Variants in AQP9 observed in about 807,000 individuals in gnomAD.
AQP9 encodes the protein aquaporin 9.
AQP9 carries 19 observed loss-of-function variants against 23.8 expected under a neutral mutation model. The ratio of observed to expected loss-of-function variants is 0.80; its 90% CI spans 0.56 to 1.17. The LOEUF (loss-of-function observed/expected upper bound fraction) is 1.17. Ranked by LOEUF, AQP9 falls within the 50% of genes most tolerant of loss-of-function variation. AQP9 has a pLI of 0.00. For synonymous variants in AQP9, 153 were observed against 131.5 expected (o/e 1.16, Z -1.12); for missense variants, 413 against 362.0 (o/e 1.14, Z -1.14).
intron 4 of AQP9, among the ~76,000 whole-genome samples, chr15:58,178,343 A>G (rs545545081): frequency 2.8e-4 from 42 of 152,338 alleles, no homozygotes; most frequent in Admixed American, 2.3e-3. Context: ...ATGGCTATAC[A>G]GTAGACTAAA....
intron 1 of AQP9, among the ~76,000 whole-genome samples, chr15:58,162,895 T>C (rs1026142724): frequency 3.9e-5 from 6 of 152,318 alleles, no homozygotes; most frequent in African/African-American, 1.2e-4. Context: ...CCTGCCCAAA[T>C]TGCTGATTCA....
chr15:58,140,409 G>A (rs1292409473), intron 1 of AQP9, among the ~76,000 whole-genome samples: 1 of 152,086 alleles, frequency 6.6e-6, no homozygotes, highest in East Asian at 1.9e-4. Context: ...AAACTTGTAT[G>A]TTCTGGATAA....
chr15:58,155,001 T>G (rs1898221221), intron 1 of AQP9: 1 of 152,232 alleles, frequency 6.6e-6, no homozygotes, highest in Admixed American at 6.5e-5. Context: ...TAAAAATTAT[T>G]AGTCATTCAT....
chr15:58,172,109 T>C (rs1487200428), intron 2 of AQP9, among the ~76,000 whole-genome samples: 1 of 152,222 alleles, frequency 6.6e-6, no homozygotes, highest in East Asian at 1.9e-4. Flanking sequence ...GGAAGTGGTA[T>C]AGCAGAAAAC....
intron 1 of AQP9, among the ~76,000 whole-genome samples, chr15:58,147,350 C>T (rs79012007): frequency 0.023 from 3,566 of 152,148 alleles, 148 homozygotes; most frequent in African/African-American, 0.082. Context: ...CTCATCAGCC[C>T]TGTGAAAGTG....
At chr15:58,161,000 G>T (rs1223290519) in intron 1 of AQP9, among the ~76,000 whole-genome samples, 2 of 152,184 alleles carry the variant, frequency 1.3e-5, no homozygotes, top group African/African-American at 4.8e-5. Flanking sequence ...TACTGGAAAG[G>T]AAGGTGGCTG....
Position 58,183,304 on chromosome 15 carries a change from C to G in AQP9, c.714-657C>G, listed in dbSNP as rs185146726. Among the ~76,000 whole-genome samples the G allele has an allele frequency of 1.1e-4, 16 of 152,280 alleles. No individual in the cohort carries two copies. The East Asian group carries it at 3.1e-3, about 29-fold the overall frequency. On this transcript the variant is annotated intron_variant, in intron 5 of 5. Transcript: ENST00000219919. Reference sequence around the variant, plus strand: ...TTTCTCTCTCCAAAGAAGATGGTGACAACTCACAAAGATACCTGCTTTTCC... The same window carrying G: ...TTTCTCTCTCCAAAGAAGATGGTGAGAACTCACAAAGATACCTGCTTTTCC...
At chr15:58,174,834 T>C in intron 3 of AQP9, 84 bp from the exon 4 acceptor site, 6 of 1,114,360 alleles carry the variant, frequency 5.4e-6, no homozygotes, top group Non-Finnish European at 6.8e-6. Flanking sequence ...TCTGAGTGAC[T>C]GGTTGTTTAG....
intron 5 of AQP9, among the ~76,000 whole-genome samples, chr15:58,180,530 G>A (rs74016582): frequency 0.014 from 2,146 of 152,150 alleles, 45 homozygotes; most frequent in African/African-American, 0.045. Context: ...TCAATAAAAA[G>A]GTATTGAATA....
At chr15:58,174,814 C>G (rs901653783) in intron 3 of AQP9, 104 bp from the exon 4 acceptor site, 11 of 927,310 alleles carry the variant, frequency 1.2e-5, no homozygotes, top group African/African-American at 1.1e-4. Flanking sequence ...CATGGCTATG[C>G]CAAGCTCAAT....
intron 1 of AQP9, among the ~76,000 whole-genome samples, chr15:58,145,817 AGGGTGTGTGAC>A (rs1202748853): frequency 6.6e-6 from 1 of 152,140 alleles, no homozygotes; most frequent in East Asian, 1.9e-4. Context: ...TTTTTCAGGA[AGGGTGTGTGAC>A]AGATGAACTT....
intron 5 of AQP9, among the ~76,000 whole-genome samples, chr15:58,181,797 GGA>G (rs1277779813): frequency 6.6e-6 from 1 of 152,158 alleles, no homozygotes; most frequent in Admixed American, 6.5e-5. Context: ...GATTGAAAAA[GGA>G]GAGAGTGGGG....
At chr15:58,138,755 T>C in intron 1 of AQP9, 79 bp downstream of exon 1, 10 of 1,277,660 alleles carry the variant, frequency 7.8e-6, no homozygotes, top group Non-Finnish European at 1.1e-5. Flanking sequence ...GAGTTTTGTT[T>C]GGTTTGTTTT....
chr15:58,166,625 T>C lies in AQP9; in HGVS notation c.112-48T>C, dbSNP rs200616019. The C allele has an allele frequency of 1.9e-4, 291 of 1,557,480 alleles. 1 individual carries two copies. The highest frequency in any genetic ancestry group is 1.6e-3 in the Middle Eastern group (9 of 5,796). On this transcript the variant is annotated intron_variant, in intron 1 of 5. Transcript: ENST00000219919. Reference sequence around the variant, plus strand: ...TGCTACTGTGAGTTTCCATTACTTTTGACAGTAGCCATCCCCACTTACCTG... The same window carrying C: ...TGCTACTGTGAGTTTCCATTACTTTCGACAGTAGCCATCCCCACTTACCTG...
intron 1 of AQP9, among the ~76,000 whole-genome samples, chr15:58,160,883 G>A (rs1324612842): frequency 6.6e-6 from 1 of 152,154 alleles, no homozygotes; most frequent in African/African-American, 2.4e-5. Context: ...CTTCTGAAAG[G>A]TGCAGCATAG....
At chr15:58,140,751 T>C (rs1310062425) in intron 1 of AQP9, among the ~76,000 whole-genome samples, 1 of 152,206 alleles carries the variant, frequency 6.6e-6, no homozygotes. Context: ...ACTCAGTCTT[T>C]CAAATATGTG....
intron 1 of AQP9, among the ~76,000 whole-genome samples, chr15:58,144,529 T>TTTG (rs1445621033): frequency 6.6e-6 from 1 of 152,176 alleles, no homozygotes; most frequent in African/African-American, 2.4e-5. Flanking sequence ...GAGAACATTG[T>TTTG]TTGTTGTTGT....
chr15:58,159,303 T>C (rs1314777461), intron 1 of AQP9, among the ~76,000 whole-genome samples: 4 of 152,134 alleles, frequency 2.6e-5, no homozygotes, highest in African/African-American at 9.7e-5. Context: ...TTTAGTAAGA[T>C]TCCCGTCTAT....
intron 2 of AQP9, among the ~76,000 whole-genome samples, 156 bp from the exon 3 acceptor site, chr15:58,172,912 C>T (rs574639484): frequency 6.6e-6 from 1 of 152,192 alleles, no homozygotes; most frequent in Non-Finnish European, 1.5e-5. Flanking sequence ...TGCTCAGATA[C>T]ACACTCTCTC....
Sources: allele counts gnomAD v4.1 joint callset (sites outside exome capture counted in the v4.1 genomes callset), GRCh38; gene constraint gnomAD v4.1.1; transcripts MANE v1.5; gene names NCBI Gene and HGNC (gene_info 2026-07-23, HGNC 2026-07-21).